Variants in IP6K1 observed in about 807,000 individuals in gnomAD.
IP6K1 encodes ATP:1D-myo-inositol-hexakisphosphate phosphotransferase.
IP6K1 carries 13 observed loss-of-function variants against 38.3 expected under a neutral mutation model. The observed-to-expected ratio is 0.34, with a 90% CI of 0.22 to 0.54. IP6K1 has a LOEUF of 0.54. Ranked by LOEUF, IP6K1 falls within the 20% of genes least tolerant of loss-of-function variation. IP6K1 has a pLI of 0.92. For synonymous variants in IP6K1, 212 were observed against 229.9 expected, an observed-to-expected ratio of 0.92 and a Z score of 0.70; for missense variants, 397 against 599.8, an observed-to-expected ratio of 0.66 and a Z score of 3.53.
At chr3:49,751,474 T>TA (rs2080777152) in intron 1 of IP6K1, among the ~76,000 whole-genome samples, 1 of 152,036 alleles carries the variant, frequency 6.6e-6, no homozygotes, top group African/African-American at 2.4e-5. Flanking sequence ...CTTTTTTTTT[T>TA]ATCAACCAGA....
chr3:49,738,467 G>A (rs775840351), intron 2 of IP6K1, 45 bp from the exon 3 acceptor site: 68 of 1,474,468 alleles, frequency 4.6e-5, no homozygotes, highest in African/African-American at 6.9e-5. Context: ...AACACAGGCC[G>A]AGTCTATGCA....
chr3:49,739,821 C>T (rs1025931882), intron 2 of IP6K1, among the ~76,000 whole-genome samples: 3 of 151,928 alleles, frequency 2.0e-5, no homozygotes, highest in Admixed American at 6.6e-5. Flanking sequence ...TCCACACCAG[C>T]CTGGCCAACA....
At chr3:49,728,731 AC>A (rs2080535406) in intron 4 of IP6K1, among the ~76,000 whole-genome samples, 1 of 151,870 alleles carries the variant, frequency 6.6e-6, no homozygotes, top group African/African-American at 2.4e-5. Context: ...GCCCGCCACT[AC>A]ACCCGGCTCA....
At chr3:49,773,654 T>C (rs886158433) in intron 1 of IP6K1, among the ~76,000 whole-genome samples, 2 of 152,176 alleles carry the variant, frequency 1.3e-5, no homozygotes, top group African/African-American at 4.8e-5. Flanking sequence ...CCACATATTT[T>C]ATAATACATC....
At chr3:49,752,539 G>A (rs2108241804) in intron 1 of IP6K1, among the ~76,000 whole-genome samples, 1 of 151,642 alleles carries the variant, frequency 6.6e-6, no homozygotes, top group East Asian at 2.0e-4. Flanking sequence ...GTGTGTGTGT[G>A]TGTGTGAGTT....
At chr3:49,733,608 C>T (rs1198691405) in intron 3 of IP6K1, among the ~76,000 whole-genome samples, 1 of 152,174 alleles carries the variant, frequency 6.6e-6, no homozygotes, top group African/African-American at 2.4e-5. Context: ...CATGCTACAA[C>T]ATATATGAAC....
intron 4 of IP6K1, 92 bp from the exon 5 acceptor site, chr3:49,728,370 ACC>A: frequency 1.6e-6 from 2 of 1,229,480 alleles, no homozygotes; most frequent in Non-Finnish European, 2.3e-6. Flanking sequence ...GGGGGCTTTT[ACC>A]TAATGCAGTA....
chr3:49,770,193 C>A (rs2080945104), intron 1 of IP6K1, among the ~76,000 whole-genome samples: 1 of 152,124 alleles, frequency 6.6e-6, no homozygotes, highest in Non-Finnish European at 1.5e-5. Flanking sequence ...GAATTCCTAG[C>A]CCTCAGAAAC....
At position 49,748,114 on chromosome 3, in the gene IP6K1, G is replaced by C. The variant is rs2080739180; in HGVS notation, c.-74C>G. The C allele has an allele frequency of 6.6e-7, 1 of 1,514,696 alleles. No homozygotes were observed. Among genetic ancestry groups the C allele is most frequent in the African/African-American group, 1.4e-5 (1 of 72,776 alleles). 93.8% of individuals were successfully genotyped at this position (1,514,696 alleles called of 1,614,324 possible). ...GCCACAAAAGGAGAGCTACATAGAA[G>C]GTCCTGGCCAGGTGAAAGCCAATGG... On this transcript the variant is annotated 5_prime_UTR_variant, in exon 2 of 6. Transcript: ENST00000321599.
chr3:49,732,904 T>C lies in IP6K1; in HGVS notation c.503A>G (p.Asp168Gly), dbSNP rs1195221306. The C allele has an allele frequency of 1.2e-6, 2 of 1,614,104 alleles. No homozygotes were observed. The highest frequency in any genetic ancestry group is 1.7e-6 in the Non-Finnish European group (2 of 1,179,958). Reference sequence around the variant, plus strand: ...CTCAGAACTCAAGCCACTGTTGCCATCTAGCATCTGGAAAGGGACCTCTGA... The same window carrying C: ...CTCAGAACTCAAGCCACTGTTGCCACCTAGCATCTGGAAAGGGACCTCTGA... ...SHSEVPFQML[D>G]GNSGLSSEKI... The change falls in exon 4 of 6, where the codon GAT (aspartate) becomes GGT (glycine). Residue 168 changes from aspartate (D) to glycine (G), a missense_variant. By Grantham distance (94) the Asp-to-Gly change is moderately conservative. Around this residue, in one of 3 missense-constraint regions of IP6K1, gnomAD observed 171 missense variants for 237.0 expected, o/e 0.72. Coordinates refer to ENST00000321599, the MANE Select transcript of IP6K1 (RefSeq NM_153273.4).
chr3:49,728,417 C>T lies in IP6K1; in HGVS notation c.617-139G>A, dbSNP rs915445335. 8 of 719,444 alleles carry T rather than the reference C, an allele frequency of 1.1e-5. No homozygotes were observed. In the African/African-American group the frequency reaches 1.4e-4, roughly 13 times the overall value. 44.6% of individuals were successfully genotyped at this position (719,444 alleles called of 1,614,324 possible). A position where few individuals can be genotyped will look rare whatever the true frequency, so the allele number is the denominator to read the frequency against. ...CTCAAACTCTCAAATATGGGTTTCA[C>T]ACCACTGGCTTATTACTTAACCAAT... On this transcript the variant is annotated intron_variant, in intron 4 of 5. Transcript: ENST00000321599.
chr3:49,777,419 C>T lies in IP6K1; in HGVS notation c.-129+8935G>A, dbSNP rs1436627134. Among the ~76,000 whole-genome samples, 25 of 151,598 alleles carry T rather than the reference C, an allele frequency of 1.6e-4. 1 individual carries two copies. Among genetic ancestry groups the T allele is most frequent in the Admixed American group, 9.2e-4 (14 of 15,202 alleles). ...TCTACTAAAAATACAAAAAATTAGC[C>T]GGGCGTGGTGGCACATGCCTGTACT... On this transcript the variant is annotated intron_variant, in intron 1 of 5. Coordinates refer to ENST00000321599, the MANE Select transcript of IP6K1 (RefSeq NM_153273.4).
At chr3:49,756,565 C>CCTA (rs1460407569) in intron 1 of IP6K1, among the ~76,000 whole-genome samples, 1 of 152,020 alleles carries the variant, frequency 6.6e-6, no homozygotes, top group Non-Finnish European at 1.5e-5. Flanking sequence ...TGCCTGTAAT[C>CCTA]CTAGCACTTT....
Position 49,727,097 on chromosome 3 carries a change from G to A in IP6K1, c.*25C>T. On this transcript the variant is annotated 3_prime_UTR_variant, in exon 6 of 6. Transcript: ENST00000321599. The surrounding 1 kb of genome is among the most constrained non-coding windows in gnomAD (Gnocchi z 5.9). ...GTCCCTGCCTGCAGTGGAGAGGAAG[G>A]GGTTCTGGGGGCCCAGAACAGGGCC... 1 of 1,555,852 alleles carries A rather than the reference G, an allele frequency of 6.4e-7. No individual in the cohort carries two copies. The highest frequency in any genetic ancestry group is 1.4e-5 in the African/African-American group (1 of 73,498).
At chr3:49,775,953 G>C (rs2081004946) in intron 1 of IP6K1, among the ~76,000 whole-genome samples, 1 of 151,326 alleles carries the variant, frequency 6.6e-6, no homozygotes, top group African/African-American at 2.4e-5. Flanking sequence ...TCTTCTGCTT[G>C]AGGAGTTGAC....
In IP6K1 at chr3:49,724,558, T is replaced by C. The variant is rs2080478800; in HGVS notation, c.*2564A>G. ...CCCGAGAAGCAAAAGAACCAGGTCC[T>C]TCCCAGGGTTCTCCATTATTTTTTC... On this transcript the variant is annotated 3_prime_UTR_variant, in exon 6 of 6. Coordinates refer to ENST00000321599, the MANE Select transcript of IP6K1 (RefSeq NM_153273.4). 6.6e-6 allele frequency: 1 copy of C among 152,400 alleles called. No homozygotes were observed. Among genetic ancestry groups the C allele is most frequent in the Non-Finnish European group, 1.5e-5 (1 of 68,060 alleles). 9.4% of individuals were successfully genotyped at this position (152,400 alleles called of 1,614,324 possible). A position where few individuals can be genotyped will look rare whatever the true frequency, so the allele number is the denominator to read the frequency against.
intron 3 of IP6K1, among the ~76,000 whole-genome samples, chr3:49,736,968 T>C (rs2080618311): frequency 6.6e-6 from 1 of 151,944 alleles, no homozygotes; most frequent in Admixed American, 6.6e-5. Context: ...GAGACAGGGT[T>C]TCACCGTGTT....
At chr3:49,781,821 C>T (rs934989382) in intron 1 of IP6K1, among the ~76,000 whole-genome samples, 3 of 151,992 alleles carry the variant, frequency 2.0e-5, no homozygotes, top group African/African-American at 7.2e-5. Context: ...AGGTGACTCA[C>T]ATTCATAATC....
At chr3:49,756,960 T>C (rs2080829284) in intron 1 of IP6K1, among the ~76,000 whole-genome samples, 1 of 152,184 alleles carries the variant, frequency 6.6e-6, no homozygotes, top group South Asian at 2.1e-4. Flanking sequence ...GAGCCATCCC[T>C]GAATCAGCTA....
Sources: gnomAD v4.1 joint callset for allele counts (sites outside exome capture counted in the v4.1 genomes callset) on GRCh38, gnomAD v4.1.1 for gene constraint, gnomAD v4.1.1 regional missense constraint, Gnocchi (gnomAD v3.1) non-coding constraint, MANE v1.5 for transcripts, NCBI Gene and HGNC (gene_info 2026-07-23, HGNC 2026-07-21) for gene names.